The following LRRC74A variants were observed in gnomAD, a reference collection of about 807,000 sequenced individuals.
LRRC74A encodes the protein leucine-rich repeat-containing protein 74A.
Under a neutral mutation model 57.9 loss-of-function variants are expected in LRRC74A, and 44 were observed. The ratio of observed to expected loss-of-function variants is 0.76; its 90% CI spans 0.60 to 0.98. The LOEUF is 0.98. LRRC74A is among the 50% of genes least tolerant of loss of function. The pLI is 0.00. For synonymous variants in LRRC74A, 211 were observed against 219.4 expected (o/e 0.96, Z 0.34); for missense variants, 572 against 574.0 (o/e 1.00, Z 0.04).
chr14:76,830,599 G>C (rs1465150507), intron 2 of LRRC74A, among the ~76,000 whole-genome samples: 1 of 152,252 alleles, frequency 6.6e-6, no homozygotes, highest in Non-Finnish European at 1.5e-5. Context: ...AAAGAAGAAA[G>C]ACCATTCACA....
chr14:76,859,305 CGGGT>C (rs1371121611), intron 10 of LRRC74A, among the ~76,000 whole-genome samples: 2 of 152,024 alleles, frequency 1.3e-5, no homozygotes, highest in Non-Finnish European at 2.9e-5. Context: ...GAGGCCGAGG[CGGGT>C]GGATCACCTG....
At position 76,840,149 on chromosome 14, in the gene LRRC74A, T is replaced by C. The variant is rs377757353; in HGVS notation, c.544+2178T>C. Among the ~76,000 whole-genome samples, 146 of 152,312 alleles carry C rather than the reference T, an allele frequency of 9.6e-4. 1 individual carries two copies. In the South Asian group the frequency reaches 0.01, roughly 11 times the overall value. ...CTTTAAAACTCTTTCCTAAAGTTTA[T>C]AAAAATATTTTCCTGAACCAGGAGT... On this transcript the variant is annotated intron_variant, in intron 5 of 13. Transcript: ENST00000689127.
At chr14:76,840,340 G>A (rs1896667546) in intron 5 of LRRC74A, among the ~76,000 whole-genome samples, 1 of 152,082 alleles carries the variant, frequency 6.6e-6, no homozygotes, top group African/African-American at 2.4e-5. Flanking sequence ...TATTTTTGTT[G>A]TTGTTGTGGT....
chr14:76,862,518 C>A (rs1898394680), intron 11 of LRRC74A, among the ~76,000 whole-genome samples: 1 of 138,408 alleles, frequency 7.2e-6, no homozygotes, highest in South Asian at 2.5e-4. Context: ...GCCTGGGCAA[C>A]AGAGCGAGAC....
chr14:76,865,944 C>G, intron 11 of LRRC74A, 24 bp from the exon 12 acceptor site: 1 of 1,505,368 alleles, frequency 6.6e-7, no homozygotes, highest in Non-Finnish European at 9.2e-7. Context: ...AGTGTTTGCT[C>G]CTGGTCTCTC....
rs986031390 is a variant in LRRC74A, at chr14:76,836,273, C to T, written c.406C>T (p.Leu136=). ...CATCATGGAGGAGGGCGTCTTGAGCCTGGTGGAGATGCTACAAGAGAACTA... is the reference window on the plus strand; with the variant it reads ...CATCATGGAGGAGGGCGTCTTGAGCTTGGTGGAGATGCTACAAGAGAACTA... ...NCIMEEGVLS[L]VEMLQENYYL... Residue 136 remains leucine (L), a synonymous_variant, in exon 4 of 14, where the codon CTG becomes TTG. Transcript: ENST00000689127. The T allele has an allele frequency of 1.9e-6, 3 of 1,613,814 alleles. No homozygotes were observed. Among genetic ancestry groups the T allele is most frequent in the Non-Finnish European group, 8.5e-7 (1 of 1,179,812 alleles).
At chr14:76,828,762 C>A (rs1895769045) in intron 2 of LRRC74A, 2 of 447,928 alleles carry the variant, frequency 4.5e-6, no homozygotes, top group Non-Finnish European at 8.9e-6. Context: ...AGGAGGTAGG[C>A]ATCTTTGCCA....
chr14:76,857,116 G>A (rs1283232054), intron 9 of LRRC74A, among the ~76,000 whole-genome samples: 1 of 116,946 alleles, frequency 8.6e-6, no homozygotes, highest in African/African-American at 2.9e-5. Context: ...GTGGGTAGGT[G>A]GATAGATGGA....
At chr14:76,859,568 G>A (rs1313907542) in intron 10 of LRRC74A, among the ~76,000 whole-genome samples, 6 of 147,698 alleles carry the variant, frequency 4.1e-5, no homozygotes, top group Non-Finnish European at 7.5e-5. Flanking sequence ...TAAAAGAAAT[G>A]GTGCTGTTTA....
At chr14:76,841,205 C>A (rs996373603) in intron 5 of LRRC74A, among the ~76,000 whole-genome samples, 5 of 152,046 alleles carry the variant, frequency 3.3e-5, no homozygotes, top group African/African-American at 9.7e-5. Flanking sequence ...CCATGCCCAG[C>A]TAATTTTTGT....
intron 6 of LRRC74A, 65 bp downstream of exon 6, chr14:76,844,537 G>A: frequency 1.3e-6 from 2 of 1,484,338 alleles, no homozygotes; most frequent in Non-Finnish European, 1.9e-6. Flanking sequence ...GGCAACCTGG[G>A]GCTGCTATGG....
intron 5 of LRRC74A, 86 bp from the exon 6 acceptor site, chr14:76,844,337 G>T: frequency 8.1e-7 from 1 of 1,239,450 alleles, no homozygotes; most frequent in East Asian, 2.5e-5. Context: ...TGTTCTAAAG[G>T]GAAGTGGACT....
rs56340487 is a variant in LRRC74A at position 76,831,022 on chromosome 14, G to C, written c.167-181G>C. The stretch of plus-strand genomic sequence containing the variant: ...ATTCATCTGGGACTTTCTGGAGTTA[G>C]AGTCTCCCTCTCCCACCATGGACTG... On this transcript the variant is annotated intron_variant, in intron 2 of 13. Transcript: ENST00000689127. Among the ~76,000 whole-genome samples, 289 of 152,326 alleles carry C rather than the reference G, an allele frequency of 1.9e-3. 1 individual carries two copies. The highest frequency in any genetic ancestry group is 3.1e-3 in the Non-Finnish European group (214 of 68,032).
intron 7 of LRRC74A, among the ~76,000 whole-genome samples, chr14:76,850,203 G>A (rs923741748): frequency 1.3e-4 from 20 of 151,912 alleles, no homozygotes; most frequent in African/African-American, 4.1e-4. Context: ...CGGAGACCCC[G>A]TCTCAAAAAA....
At chr14:76,864,414 G>A (rs1397208506) in intron 11 of LRRC74A, among the ~76,000 whole-genome samples, 5 of 46,530 alleles carry the variant, frequency 1.1e-4, no homozygotes, top group South Asian at 6.6e-4. Context: ...AGAGGAAGGG[G>A]GGGGGGGGGT....
At chr14:76,857,624 C>A in intron 10 of LRRC74A, 149 bp downstream of exon 10, 2 of 589,788 alleles carry the variant, frequency 3.4e-6, no homozygotes, top group Admixed American at 5.6e-5. Flanking sequence ...TTTGTTACAG[C>A]TCTGCCCTCT....
rs1183335998 is a variant in LRRC74A, at chr14:76,869,531, G to A, written c.1392-594G>A. The stretch of plus-strand genomic sequence containing the variant: ...ACTTTGGGAGGCCGAGGCTGGTGGA[G>A]CACGAGGTCAGGAGTTCAAGACCAG... On this transcript the variant is annotated intron_variant, in intron 13 of 13. Transcript: ENST00000689127. 8.4e-4 allele frequency among the ~76,000 whole-genome samples: 128 copies of A among 152,222 alleles called. 2 individuals carry two copies. Among genetic ancestry groups the A allele is most frequent in the Non-Finnish European group, 1.5e-5 (1 of 68,010 alleles).
At chr14:76,865,666 T>A (rs1333104969) in intron 11 of LRRC74A, among the ~76,000 whole-genome samples, 2 of 152,224 alleles carry the variant, frequency 1.3e-5, no homozygotes, top group Non-Finnish European at 2.9e-5. Flanking sequence ...TTGACTTCAG[T>A]CCTTCCAACT....
At chr14:76,853,515 T>C in intron 9 of LRRC74A, 105 bp downstream of exon 9, 2 of 1,070,288 alleles carry the variant, frequency 1.9e-6, no homozygotes, top group Non-Finnish European at 2.7e-6. Flanking sequence ...AGAGAATAAT[T>C]GGGAATATCT....
Sources: allele counts gnomAD v4.1 joint callset (sites outside exome capture counted in the v4.1 genomes callset), GRCh38; gene constraint gnomAD v4.1.1; transcripts MANE v1.5; gene names NCBI Gene and HGNC (gene_info 2026-07-23, HGNC 2026-07-21).